The following PELI2 variants were observed in gnomAD, a reference collection of about 807,000 sequenced individuals.
The protein encoded by PELI2 is E3 ubiquitin-protein ligase pellino homolog 2.
In PELI2, 23 loss-of-function variants were observed where a neutral mutation model predicts 42.3. The observed-to-expected ratio is 0.54, with a 90% confidence interval of 0.39 to 0.77. The LOEUF (loss-of-function observed/expected upper bound fraction) is 0.77, where lower values mean the gene tolerates loss of function less well. Among genes scored for constraint, PELI2 ranks in the 30% least tolerant of loss-of-function variants. PELI2 has a pLI of 0.00. For synonymous variants in PELI2, 245 were observed against 212.2 expected (o/e 1.15, Z -1.34); for missense variants, 463 against 553.2 (o/e 0.84, Z 1.64).
intron 1 of PELI2, among the ~76,000 whole-genome samples, chr14:56,165,174 T>G (rs1309254069): frequency 2.0e-5 from 3 of 152,166 alleles, no homozygotes; most frequent in Non-Finnish European, 4.4e-5. Context: ...GCTATAAACT[T>G]CCCTGTTAGT....
chr14:56,138,792 C>G (rs551890200), intron 1 of PELI2, among the ~76,000 whole-genome samples: 1 of 152,290 alleles, frequency 6.6e-6, no homozygotes, highest in Non-Finnish European at 1.5e-5. Context: ...TAATGTCTGT[C>G]ATTCATTCAC....
intron 5 of PELI2, among the ~76,000 whole-genome samples, chr14:56,293,095 C>A (rs970852770): frequency 6.6e-6 from 1 of 152,072 alleles, no homozygotes; most frequent in Non-Finnish European, 1.5e-5. Flanking sequence ...TAAAATAACC[C>A]GTGAAGTCAG....
rs145569313 is a variant in PELI2 at position 56,238,777 on chromosome 14, G to A, written c.208-40899G>A. ...AAAAGCCAGGTGAGTGGCAGATTCC[G>A]GGCCCACGAACATATTTGACAGAGA... is the stretch of plus-strand genomic sequence containing the variant. On this transcript the variant is annotated intron_variant, in intron 2 of 5. Transcript: ENST00000267460. Among the ~76,000 whole-genome samples the A allele has an allele frequency of 9.8e-4, 149 of 152,238 alleles. 1 individual carries two copies. In the South Asian group the frequency reaches 0.028, roughly 29 times the overall value.
chr14:56,152,940 C>T (rs73290609), intron 1 of PELI2, among the ~76,000 whole-genome samples: 12,671 of 152,186 alleles, frequency 0.083, 1,341 homozygotes, highest in African/African-American at 0.25. Context: ...CCCATGTCTT[C>T]GTCTGGTGAG....
chr14:56,208,816 A>G (rs1016928823), intron 2 of PELI2, among the ~76,000 whole-genome samples: 9 of 152,238 alleles, frequency 5.9e-5, no homozygotes, highest in Admixed American at 5.9e-4. Flanking sequence ...ACTTTCATAG[A>G]AAACCATTTT....
At chr14:56,263,553 C>T (rs1888798611) in intron 2 of PELI2, among the ~76,000 whole-genome samples, 1 of 151,836 alleles carries the variant, frequency 6.6e-6, no homozygotes, top group South Asian at 2.1e-4. Flanking sequence ...AAAAGGTGGG[C>T]AAGGAAGGAA....
At chr14:56,167,988 C>T (rs1311247261) in intron 1 of PELI2, among the ~76,000 whole-genome samples, 1 of 152,212 alleles carries the variant, frequency 6.6e-6, no homozygotes. Flanking sequence ...CAGGCAGAGA[C>T]TCTTTTTCTC....
chr14:56,295,734 A>G (rs1313787075), intron 5 of PELI2, among the ~76,000 whole-genome samples: 2 of 152,228 alleles, frequency 1.3e-5, no homozygotes, highest in Non-Finnish European at 2.9e-5. Context: ...CATACAGCTA[A>G]TAAGTGGGAG....
At chr14:56,218,934 T>G (rs553145777) in intron 2 of PELI2, among the ~76,000 whole-genome samples, 1 of 152,324 alleles carries the variant, frequency 6.6e-6, no homozygotes, top group East Asian at 1.9e-4. Context: ...GGGTTGGTCA[T>G]GTAATGCTGT....
chr14:56,287,865 C>A (rs1254712097), intron 3 of PELI2, among the ~76,000 whole-genome samples: 1 of 152,056 alleles, frequency 6.6e-6, no homozygotes, highest in Admixed American at 6.5e-5. Context: ...AACTTTGAGA[C>A]CAGAATAAAA....
intron 2 of PELI2, among the ~76,000 whole-genome samples, chr14:56,184,740 T>C (rs771105258): frequency 2.0e-5 from 3 of 152,098 alleles, no homozygotes; most frequent in Non-Finnish European, 4.4e-5. Flanking sequence ...AGCAGTATTA[T>C]GTGATGGGAA....
rs57251739 is a variant in PELI2, at chr14:56,181,340, CTT to C, written c.207+2897_207+2898del. On this transcript the variant is annotated intron_variant, in intron 2 of 5. Transcript: ENST00000267460. ...CTGGGCCCTTCCTGACCCTGGTGGACTTTTTTTTTTTTTTTTTTTTTTGGTCT... is the reference window on the plus strand; with the variant it reads ...CTGGGCCCTTCCTGACCCTGGTGGACTTTTTTTTTTTTTTTTTTTTGGTCT... 5.8e-3 allele frequency among the ~76,000 whole-genome samples: 562 copies of C among 97,092 alleles called. 4 individuals are homozygous for C. Among genetic ancestry groups the C allele is most frequent in the Admixed American group, 0.026 (212 of 8,290 alleles). The allele number at this position is 97,092 out of a possible 152,430, so 63.7% of individuals were successfully genotyped here.
chr14:56,244,352 A>C (rs1888079925), intron 2 of PELI2, among the ~76,000 whole-genome samples: 1 of 152,258 alleles, frequency 6.6e-6, no homozygotes, highest in Non-Finnish European at 1.5e-5. Flanking sequence ...GTCATGCATG[A>C]ATGAATATTT....
In PELI2 at chr14:56,296,618, G is replaced by A. The variant is rs746835108; in HGVS notation, c.715G>A (p.Val239Ile). 4.4e-6 allele frequency: 7 copies of A among 1,603,714 alleles called. No homozygotes were observed. In the Admixed American group the frequency reaches 6.8e-5, roughly 16 times the overall value. Residue 239 changes from valine (V) to isoleucine (I), a missense_variant, in exon 6 of 6, where the codon GTC (valine) becomes ATC (isoleucine). By Grantham distance (29) the Val-to-Ile change is conservative (BLOSUM62 3). Around this residue, in one of 3 missense-constraint regions of PELI2, gnomAD observed 343 missense variants for 378.4 expected, o/e 0.91. Transcript: ENST00000267460. ...RGKLVESETN[V>I]LQDGSLIDLC... The stretch of plus-strand genomic sequence containing the variant: ...GTTGTAGGTGGAAAGTGAGACCAAC[G>A]TCCTGCAGGACGGCTCCCTCATTGA...
chr14:56,280,049 T>C (rs867493080), intron 3 of PELI2, among the ~76,000 whole-genome samples: 3 of 152,168 alleles, frequency 2.0e-5, no homozygotes, highest in Non-Finnish European at 2.9e-5. Context: ...CTAACCACTT[T>C]TAAAAGCCAA....
At chr14:56,284,190 A>G (rs1008497412) in intron 3 of PELI2, among the ~76,000 whole-genome samples, 3 of 152,238 alleles carry the variant, frequency 2.0e-5, no homozygotes, top group Admixed American at 6.5e-5. Flanking sequence ...CTGAGGAGAA[A>G]AATCAAAGCT....
At position 56,272,428 on chromosome 14, in the gene PELI2, A is replaced by T. The variant is rs1437267423; in HGVS notation, c.208-7248A>T. 3.9e-5 allele frequency among the ~76,000 whole-genome samples: 6 copies of T among 152,126 alleles called. No homozygotes were observed. In the East Asian group the frequency reaches 1.2e-3, roughly 29 times the overall value. On this transcript the variant is annotated intron_variant, in intron 2 of 5. Coordinates refer to ENST00000267460, the MANE Select transcript of PELI2 (RefSeq NM_021255.3). ...ACTCTAGTAAGGCATACCTCTTGGT[A>T]TACAAAGGCAGACCTAGTAAGGCAT...
Position 56,297,031 on chromosome 14 carries a change from G to A in PELI2, c.1128G>A (p.Lys376=). 1 of 1,614,034 alleles carries A rather than the reference G, an allele frequency of 6.2e-7. No homozygotes were observed. Among genetic ancestry groups the A allele is most frequent in the Non-Finnish European group, 8.5e-7 (1 of 1,180,026 alleles). Residue 376 remains lysine (K), a synonymous_variant, in exon 6 of 6, where the codon AAG becomes AAA. Coordinates refer to ENST00000267460, the MANE Select transcript of PELI2 (RefSeq NM_021255.3). ...FTPCGHVCSE[K]SAKYWSQIPL... is the part of the protein sequence containing the mutation. ...CCTGTGGACACGTGTGCTCGGAGAA[G>A]TCTGCAAAATACTGGTCTCAGATCC...
At chr14:56,119,925 G>A (rs546349499) in intron 1 of PELI2, 1 of 809,564 alleles carries the variant, frequency 1.2e-6, no homozygotes, top group Non-Finnish European at 1.5e-6. Flanking sequence ...TTTGCAAAAC[G>A]TGTTTTGATA....
Sources: gnomAD v4.1 joint callset for allele counts (sites outside exome capture counted in the v4.1 genomes callset) on GRCh38, gnomAD v4.1.1 for gene constraint, gnomAD v4.1.1 regional missense constraint, MANE v1.5 for transcripts, NCBI Gene and HGNC (gene_info 2026-07-23, HGNC 2026-07-21) for gene names.